Variants in TJP1 observed in about 807,000 individuals in gnomAD.
The protein encoded by TJP1 is tight junction protein ZO-1.
TJP1 carries 43 observed loss-of-function variants against 194.2 expected under a neutral mutation model. The ratio of observed to expected loss-of-function variants is 0.22; its 90% CI spans 0.17 to 0.29. The LOEUF (loss-of-function observed/expected upper bound fraction) is 0.29. TJP1 is among the 10% of genes least tolerant of loss of function. TJP1 has a pLI of 1.00. For missense variants in TJP1, 1,971 were observed against 2,185.7 expected, an observed-to-expected ratio of 0.90 and a Z score of 1.96; for synonymous variants, 801 against 779.0, an observed-to-expected ratio of 1.03 and a Z score of -0.47.
At chr15:29,856,625 G>A (rs1474256395) in intron 2 of TJP1, among the ~76,000 whole-genome samples, 1 of 152,188 alleles carries the variant, frequency 6.6e-6, no homozygotes, top group Non-Finnish European at 1.5e-5. Context: ...CCGTATCTGT[G>A]AGTTCTGCAT....
intron 2 of TJP1, among the ~76,000 whole-genome samples, chr15:29,795,587 A>G (rs1279950937): frequency 6.6e-6 from 1 of 152,248 alleles, no homozygotes; most frequent in East Asian, 1.9e-4. Flanking sequence ...AGTGAATTCT[A>G]ACAAATATTT....
chr15:29,949,652 A>T (rs1242088651), intron 2 of TJP1, among the ~76,000 whole-genome samples: 18 of 103,400 alleles, frequency 1.7e-4, no homozygotes, highest in African/African-American at 5.1e-4. Context: ...CACCACCACC[A>T]CCTCCACCTC....
At chr15:29,968,154 T>C (rs1315974223) in intron 1 of TJP1, 1 of 985,286 alleles carries the variant, frequency 1.0e-6, no homozygotes, top group Non-Finnish European at 1.2e-6. Context: ...TGGAATACAG[T>C]CCCTGACAAT....
chr15:29,965,064 C>T (rs1263568525), intron 1 of TJP1, among the ~76,000 whole-genome samples: 1 of 152,174 alleles, frequency 6.6e-6, no homozygotes, highest in Non-Finnish European at 1.5e-5. Context: ...TGCAACCCTG[C>T]CCTTTACACT....
At chr15:29,731,273 T>A (rs1450480077) in intron 15 of TJP1, among the ~76,000 whole-genome samples, 20 of 152,206 alleles carry the variant, frequency 1.3e-4, no homozygotes, top group Admixed American at 1.3e-3. Flanking sequence ...TTGACACACA[T>A]GGCCACCTTG....
intron 2 of TJP1, among the ~76,000 whole-genome samples, chr15:29,930,732 GAAGTAAGAC>G (rs2054679802): frequency 6.6e-6 from 1 of 152,182 alleles, no homozygotes; most frequent in East Asian, 1.9e-4. Context: ...GCCTGACATG[GAAGTAAGAC>G]AAAAAGGACT....
chr15:29,836,365 C>T (rs947838225), intron 2 of TJP1, among the ~76,000 whole-genome samples: 8 of 151,968 alleles, frequency 5.3e-5, no homozygotes, highest in Non-Finnish European at 1.2e-4. Flanking sequence ...CTCCGCCTCC[C>T]GGGTTCACGC....
chr15:29,704,402 G>A (rs2041759042), intron 26 of TJP1, 97 bp from the exon 27 acceptor site: 1 of 1,428,194 alleles, frequency 7.0e-7, no homozygotes. Context: ...ATGCTTGAAA[G>A]CCTAATGGAG....
In TJP1 at chr15:29,782,996, G is replaced by A. The variant is rs191184626; in HGVS notation, c.85-9639C>T. On this transcript the variant is annotated intron_variant, in intron 2 of 27. Coordinates refer to ENST00000614355, the MANE Select transcript of TJP1 (RefSeq NM_001330239.4). ...CAAACTGAAACCACAATGAGCGGCC[G>A]GGCGTGGTGGCTCACTCCTGTAATA... 1.4e-3 allele frequency among the ~76,000 whole-genome samples: 213 copies of A among 152,024 alleles called. 2 individuals carry two copies. Among genetic ancestry groups the A allele is most frequent in the African/African-American group, 4.9e-3 (205 of 41,492 alleles).
At chr15:29,725,905 C>A (rs1052557449) in intron 18 of TJP1, among the ~76,000 whole-genome samples, 1 of 152,158 alleles carries the variant, frequency 6.6e-6, no homozygotes, top group Admixed American at 6.5e-5. Context: ...CGAGGATACT[C>A]GTGAGGGGTC....
intron 11 of TJP1, among the ~76,000 whole-genome samples, chr15:29,736,342 G>C (rs1360571393): frequency 6.6e-6 from 1 of 152,200 alleles, no homozygotes; most frequent in African/African-American, 2.4e-5. Flanking sequence ...AGAACCAGTG[G>C]AGAGAGAAAG....
chr15:29,816,082 C>G lies in TJP1; in HGVS notation c.27+5920G>C, dbSNP rs181082541. Among the ~76,000 whole-genome samples the G allele has an allele frequency of 2.0e-3, 305 of 151,974 alleles. 1 individual carries two copies. The highest frequency in any genetic ancestry group is 6.8e-3 in the Middle Eastern group (2 of 294). On this transcript the variant is annotated intron_variant, in intron 1 of 27. Transcript: ENST00000614355. ...CAGGAGTGCAGTGGTGCTATCTCGA[C>G]TCACTGCAACCTTGGCTCAACTGCA...
intron 8 of TJP1, among the ~76,000 whole-genome samples, chr15:29,753,976 A>T (rs1015041973): frequency 1.3e-5 from 2 of 152,218 alleles, no homozygotes; most frequent in African/African-American, 4.8e-5. Context: ...TTATTTAGAC[A>T]AAAGACTAAC....
intron 2 of TJP1, among the ~76,000 whole-genome samples, chr15:29,829,656 T>G (rs992880691): frequency 1.3e-5 from 2 of 151,668 alleles, no homozygotes; most frequent in Non-Finnish European, 2.9e-5. Context: ...AAAAAAAGAT[T>G]TCTTAAAAGC....
At chr15:29,966,560 G>C (rs2056339839) in intron 1 of TJP1, among the ~76,000 whole-genome samples, 1 of 151,526 alleles carries the variant, frequency 6.6e-6, no homozygotes. Context: ...TAAGAAAACA[G>C]ATTTCCTAAC....
chr15:29,825,398 T>C (rs2050645077), upstream of TJP1, among the ~76,000 whole-genome samples: 2 of 152,230 alleles, frequency 1.3e-5, no homozygotes, highest in South Asian at 4.1e-4. Flanking sequence ...ATCTTATTTC[T>C]GATCATCTCT....
At chr15:29,957,999 G>T (rs1484156317) in intron 1 of TJP1, among the ~76,000 whole-genome samples, 1 of 152,030 alleles carries the variant, frequency 6.6e-6, no homozygotes, top group African/African-American at 2.4e-5. Context: ...TCTGTATAAA[G>T]GACTATTGTA....
In TJP1 at chr15:29,718,103, A is replaced by AT; in HGVS notation, c.3891dup (p.Ser1298IlefsTer2). On this transcript the variant is annotated frameshift_variant, in exon 22 of 28. Coordinates refer to ENST00000614355, the MANE Select transcript of TJP1 (RefSeq NM_001330239.4). LOFTEE classifies it high-confidence loss of function. Reference sequence around the variant, plus strand: ...ATGATGGGAGCACCTGAAGGTTTAGATGCTACTTCTGGAGGCTGTTTAAAA... The same window carrying AT: ...ATGATGGGAGCACCTGAAGGTTTAGATTGCTACTTCTGGAGGCTGTTTAAAA... 6.4e-7 allele frequency: 1 copy of AT among 1,572,620 alleles called. No individual in the cohort carries two copies. The highest frequency in any genetic ancestry group is 1.1e-5 in the South Asian group (1 of 88,358).
At chr15:29,948,457 C>A (rs1470797200) in intron 2 of TJP1, among the ~76,000 whole-genome samples, 2 of 152,190 alleles carry the variant, frequency 1.3e-5, no homozygotes, top group Non-Finnish European at 2.9e-5. Context: ...AAAATCAATA[C>A]ATGACATTCA....
Sources: gnomAD v4.1 joint callset for allele counts (sites outside exome capture counted in the v4.1 genomes callset) on GRCh38, gnomAD v4.1.1 for gene constraint, MANE v1.5 for transcripts, NCBI Gene and HGNC (gene_info 2026-07-23, HGNC 2026-07-21) for gene names.